FLT3: variants seen among roughly 807,000 people sequenced by gnomAD.
FLT3 encodes the protein fms related receptor tyrosine kinase 3, also known as receptor-type tyrosine-protein kinase FLT3.
FLT3 carries 46 observed loss-of-function variants against 126.6 expected under a neutral mutation model. That is an observed-to-expected ratio of 0.36 (90% CI 0.29 to 0.46). The LOEUF (loss-of-function observed/expected upper bound fraction) is 0.46. Ranked by LOEUF, FLT3 falls within the 20% of genes least tolerant of loss-of-function variation. FLT3 has a pLI of 1.00. For missense variants in FLT3, 1,069 were observed against 1,190.3 expected (o/e 0.90, Z 1.50); for synonymous variants, 404 against 434.4 (o/e 0.93, Z 0.87).
rs755147104 is a variant in FLT3 at position 28,070,480 on chromosome 13, T to C, written c.165+11A>G. ...AAAACAGCTAAAGGTATAATTTTAA[T>C]GTTACTTTACCATGGGATATGATGA... is the stretch of plus-strand genomic sequence containing the variant. On this transcript the variant is annotated intron_variant, in intron 2 of 23. Transcript: ENST00000241453. The C allele has an allele frequency of 1.2e-6, 2 of 1,605,586 alleles. No individual in the cohort carries two copies. The highest frequency in any genetic ancestry group is 4.5e-5 in the East Asian group (2 of 44,768).
intron 19 of FLT3, among the ~76,000 whole-genome samples, chr13:28,021,037 T>C (rs1263692447): frequency 6.6e-6 from 1 of 152,172 alleles, no homozygotes; most frequent in East Asian, 1.9e-4. Context: ...GAGTATTTAC[T>C]TAGCTATGGG....
At chr13:28,055,046 T>C (rs934293031) in intron 4 of FLT3, among the ~76,000 whole-genome samples, 2 of 152,216 alleles carry the variant, frequency 1.3e-5, no homozygotes, top group Admixed American at 6.5e-5. Context: ...CAAGTATTTT[T>C]TCCCATCTTG....
At chr13:28,017,820 ACGCC>A (rs1872022285) in intron 20 of FLT3, among the ~76,000 whole-genome samples, 1 of 151,762 alleles carries the variant, frequency 6.6e-6, no homozygotes, top group Non-Finnish European at 1.5e-5. Context: ...ACACGCCACC[ACGCC>A]CAGCTAATTT....
At chr13:28,058,224 A>AC (rs377424437) in intron 3 of FLT3, among the ~76,000 whole-genome samples, 6,800 of 148,368 alleles carry the variant, frequency 0.046, 291 homozygotes, top group Non-Finnish European at 0.067. Flanking sequence ...AAAAAACAAA[A>AC]AAAAAAACGG....
chr13:28,098,144 G>A (rs1388771959), intron 1 of FLT3, among the ~76,000 whole-genome samples: 6 of 151,752 alleles, frequency 4.0e-5, no homozygotes, highest in African/African-American at 1.5e-4. Flanking sequence ...GTGAAACCTC[G>A]TCTCTACTAA....
rs372969571 is a variant in FLT3 at position 28,087,092 on chromosome 13, A to G, written c.43+13376T>C. Among the ~76,000 whole-genome samples, 7 of 152,254 alleles carry G rather than the reference A, an allele frequency of 4.6e-5. No homozygotes were observed. The South Asian group carries it at 1.2e-3, about 27-fold the overall frequency. On this transcript the variant is annotated intron_variant, in intron 1 of 23. Coordinates refer to ENST00000241453, the MANE Select transcript of FLT3 (RefSeq NM_004119.3). ...GGATATAGAACTACACATTTATATT[A>G]TTAGTTTTGCTCTGTTGTCCAGGAT... is the stretch of plus-strand genomic sequence containing the variant.
At chr13:28,063,929 G>C (rs1434395572) in intron 2 of FLT3, among the ~76,000 whole-genome samples, 1 of 152,132 alleles carries the variant, frequency 6.6e-6, no homozygotes, top group East Asian at 1.9e-4. Context: ...TTTCACCCAA[G>C]TCCAGTAATT....
intron 19 of FLT3, 152 bp from the exon 20 acceptor site, chr13:28,018,741 CAACA>C (rs1872116633): frequency 4.0e-6 from 3 of 751,894 alleles, no homozygotes; most frequent in East Asian, 2.6e-5. Flanking sequence ...TGATGATGTG[CAACA>C]AACAAAGTGA....
intron 1 of FLT3, among the ~76,000 whole-genome samples, chr13:28,084,149 G>A (rs974574471): frequency 5.3e-5 from 8 of 151,472 alleles, no homozygotes; most frequent in African/African-American, 1.7e-4. Flanking sequence ...AGGCCACCAC[G>A]TCTCCCTAAT....
At chr13:28,066,282 G>A (rs1251227913) in intron 2 of FLT3, among the ~76,000 whole-genome samples, 15 of 152,282 alleles carry the variant, frequency 9.9e-5, no homozygotes, top group Non-Finnish European at 2.1e-4. Flanking sequence ...TCTATATATT[G>A]TATTTCCAGG....
intron 18 of FLT3, 82 bp downstream of exon 18, chr13:28,024,779 A>T (rs1455404539): frequency 1.0e-6 from 1 of 983,828 alleles, no homozygotes; most frequent in East Asian, 2.4e-5. Flanking sequence ...TTTTGTGTTT[A>T]CACACTTTTA....
chr13:28,052,725 TAGC>T (rs1875635889), intron 4 of FLT3, 51 bp from the exon 5 acceptor site: 7 of 1,285,640 alleles, frequency 5.4e-6, no homozygotes, highest in Non-Finnish European at 7.7e-6. Flanking sequence ...ATAATTCTCT[TAGC>T]AGCCCCTCAG....
chr13:28,041,840 T>C (rs1227192856), intron 9 of FLT3, among the ~76,000 whole-genome samples: 1 of 152,090 alleles, frequency 6.6e-6, no homozygotes, highest in East Asian at 1.9e-4. Context: ...AGAAGATGCG[T>C]TCTCATTAAA....
chr13:28,082,136 G>T (rs189380043), intron 1 of FLT3, among the ~76,000 whole-genome samples: 2 of 150,170 alleles, frequency 1.3e-5, no homozygotes, highest in African/African-American at 2.5e-5. Context: ...GATTATAGGC[G>T]TGAGCCACTG....
At chr13:28,034,795 A>T (rs540668137) in intron 12 of FLT3, among the ~76,000 whole-genome samples, 2 of 152,148 alleles carry the variant, frequency 1.3e-5, no homozygotes, top group African/African-American at 4.8e-5. Flanking sequence ...TCTCTAAAAA[A>T]ATTCAAAAAT....
chr13:28,041,903 A>T (rs1874413016), intron 9 of FLT3, among the ~76,000 whole-genome samples: 1 of 152,192 alleles, frequency 6.6e-6, no homozygotes, highest in Admixed American at 6.6e-5. Flanking sequence ...CTGCAATCCC[A>T]ACACTTTGGG....
At chr13:28,007,185 C>T (rs1201691261) in intron 23 of FLT3, among the ~76,000 whole-genome samples, 1 of 152,086 alleles carries the variant, frequency 6.6e-6, no homozygotes, top group East Asian at 1.9e-4. Flanking sequence ...TTTTCTTATA[C>T]TTTAAAAAAT....
At chr13:28,092,568 T>C (rs1274586062) in intron 1 of FLT3, among the ~76,000 whole-genome samples, 1 of 152,002 alleles carries the variant, frequency 6.6e-6, no homozygotes, top group Non-Finnish European at 1.5e-5. Flanking sequence ...AAAGCAATTC[T>C]CAGCTCCACA....
chr13:28,039,983 G>C (rs1183019510), intron 9 of FLT3, among the ~76,000 whole-genome samples: 1 of 152,158 alleles, frequency 6.6e-6, no homozygotes, highest in African/African-American at 2.4e-5. Flanking sequence ...TATGAGTCAG[G>C]GTGGCTTGGC....
Sources: allele counts gnomAD v4.1 joint callset (sites outside exome capture counted in the v4.1 genomes callset), GRCh38; gene constraint gnomAD v4.1.1; transcripts MANE v1.5; gene names NCBI Gene and HGNC (gene_info 2026-07-23, HGNC 2026-07-21).